SPDYA: variants seen among roughly 807,000 people sequenced by gnomAD.
SPDYA encodes the protein speedy protein A.
A neutral mutation model predicts 36.7 loss-of-function variants in SPDYA; 11 were observed. That is an observed-to-expected ratio of 0.30 (90% confidence interval 0.19 to 0.50). The LOEUF (loss-of-function observed/expected upper bound fraction) is 0.50. Ranked by LOEUF, SPDYA falls within the 20% of genes least tolerant of loss-of-function variation. SPDYA has a pLI of 0.98. For synonymous variants in SPDYA, 115 were observed against 118.7 expected, an observed-to-expected ratio of 0.97 and a Z score of 0.20; for missense variants, 287 against 370.9, an observed-to-expected ratio of 0.77 and a Z score of 1.86.
chr2:28,844,173 A>T (rs1668817024), intron 7 of SPDYA, among the ~76,000 whole-genome samples: 1 of 152,244 alleles, frequency 6.6e-6, no homozygotes, highest in Non-Finnish European at 1.5e-5. Flanking sequence ...TAGGGCATAT[A>T]AGTTAATAAT....
At chr2:28,819,164 A>G in intron 4 of SPDYA, 58 bp downstream of exon 4, 1 of 1,229,444 alleles carries the variant, frequency 8.1e-7, no homozygotes, top group Non-Finnish European at 1.2e-6. Flanking sequence ...GAACCATTAG[A>G]GCTTTAATGA....
chr2:28,819,836 AAAAAAAAAAAAAAATATATAT>A (rs1668090001), intron 4 of SPDYA, among the ~76,000 whole-genome samples: 1 of 52,168 alleles, frequency 1.9e-5, no homozygotes, highest in African/African-American at 8.2e-5. Flanking sequence ...AAAAAAAAAA[AAAAAAAAAAAAAAATATATAT>A]ATATATATAT....
intron 6 of SPDYA, among the ~76,000 whole-genome samples, chr2:28,838,979 G>A (rs1221458640): frequency 6.6e-6 from 1 of 152,166 alleles, no homozygotes; most frequent in Non-Finnish European, 1.5e-5. Flanking sequence ...TGTAACTAAA[G>A]ACTTTTGCTT....
At chr2:28,848,360 CATCT>C (rs990819193) in intron 7 of SPDYA, among the ~76,000 whole-genome samples, 2 of 152,210 alleles carry the variant, frequency 1.3e-5, no homozygotes, top group Non-Finnish European at 2.9e-5. Flanking sequence ...GCCTCATCCC[CATCT>C]ATCTATCCAG....
At chr2:28,832,543 G>A (rs1159086175) in intron 6 of SPDYA, among the ~76,000 whole-genome samples, 1 of 151,956 alleles carries the variant, frequency 6.6e-6, no homozygotes, top group Non-Finnish European at 1.5e-5. Context: ...GGTATTTTTT[G>A]TCTAATTGAT....
At position 28,816,110 on chromosome 2, in the gene SPDYA, T is replaced by C. The variant is rs764166112; in HGVS notation, c.96T>C (p.Ile32=). Reference sequence around the variant, plus strand: ...GATCACATCAGCCTAAAAAGCCCATTACTCTGAAGCGTCCTATTTGTAAAG... The same window carrying C: ...GATCACATCAGCCTAAAAAGCCCATCACTCTGAAGCGTCCTATTTGTAAAG... ...SNRSHQPKKP[I]TLKRPICKDN... is the part of the protein sequence containing the mutation. The change falls in exon 3 of 8, where the codon ATT becomes ATC. Residue 32 remains isoleucine, a synonymous_variant. Transcript: ENST00000334056. The C allele has an allele frequency of 1.9e-6, 3 of 1,613,952 alleles. No homozygotes were observed. In the Admixed American group the frequency reaches 5.0e-5, roughly 27 times the overall value.
At chr2:28,817,549 G>A (rs1668017109) in intron 3 of SPDYA, among the ~76,000 whole-genome samples, 1 of 147,554 alleles carries the variant, frequency 6.8e-6, no homozygotes, top group Non-Finnish European at 1.5e-5. Context: ...CAACAAGAGT[G>A]AAACTGTCTC....
Position 28,825,609 on chromosome 2 carries a change from A to G in SPDYA, c.380+3199A>G, listed in dbSNP as rs1668296520. ...TATAAGACTCTGAACTTCTATTATCATTCTTCCACATTACCTTTCACAATT... is the reference window on the plus strand; with the variant it reads ...TATAAGACTCTGAACTTCTATTATCGTTCTTCCACATTACCTTTCACAATT... On this transcript the variant is annotated intron_variant, in intron 5 of 7. Transcript: ENST00000334056. 2.6e-5 allele frequency among the ~76,000 whole-genome samples: 4 copies of G among 152,096 alleles called. No homozygotes were observed. The South Asian group carries it at 8.3e-4, about 31-fold the overall frequency.
chr2:28,840,397 T>C lies in SPDYA; in HGVS notation c.778T>C (p.Ser260Pro), dbSNP rs1284980389. Residue 260 changes from serine (S) to proline (P), a missense_variant, in exon 7 of 8, where the codon TCT (serine) becomes CCT (proline). Transcript: ENST00000334056. ...TACAGCAGGGGTGACAGAAAAACAT[T>C]CTCAGGACTCATACAACTCACTGTC... ...SHTAGVTEKH[S>P]QDSYNSLSMD... 1 of 1,613,606 alleles carries C rather than the reference T, an allele frequency of 6.2e-7. No individual in the cohort carries two copies. Among genetic ancestry groups the C allele is most frequent in the East Asian group, 2.2e-5 (1 of 44,876 alleles).
chr2:28,838,541 C>T (rs571366723), intron 6 of SPDYA, among the ~76,000 whole-genome samples: 7 of 152,146 alleles, frequency 4.6e-5, no homozygotes, highest in African/African-American at 1.7e-4. Flanking sequence ...ATTTTTAATT[C>T]ACTTATCACA....
At chr2:28,821,893 G>T (rs114631811) in intron 4 of SPDYA, among the ~76,000 whole-genome samples, 69 of 152,258 alleles carry the variant, frequency 4.5e-4, no homozygotes, top group African/African-American at 1.6e-3. Flanking sequence ...AAGTGAGTAT[G>T]GATGTCTGTA....
chr2:28,848,018 T>C (rs1447650351), intron 7 of SPDYA, among the ~76,000 whole-genome samples: 2 of 152,202 alleles, frequency 1.3e-5, no homozygotes, highest in African/African-American at 2.4e-5. Flanking sequence ...CCTAGGTTTG[T>C]GTAAGTACAC....
At chr2:28,816,354 G>T in intron 3 of SPDYA, 105 bp downstream of exon 3, 13 of 895,028 alleles carry the variant, frequency 1.5e-5, no homozygotes, top group East Asian at 9.6e-5. Flanking sequence ...CATTATTTTT[G>T]TATTAAATTT....
intron 7 of SPDYA, among the ~76,000 whole-genome samples, chr2:28,845,953 T>C (rs1668862996): frequency 6.6e-6 from 1 of 152,266 alleles, no homozygotes; most frequent in Non-Finnish European, 1.5e-5. Flanking sequence ...ACTAACAGAT[T>C]AACTTAAAAT....
rs960701236 is a variant in SPDYA, at chr2:28,822,362, C to T, written c.332C>T (p.Ala111Val). 1.9e-6 allele frequency: 3 copies of T among 1,569,672 alleles called. No individual in the cohort carries two copies. Among genetic ancestry groups the T allele is most frequent in the Non-Finnish European group, 1.7e-6 (2 of 1,157,594 alleles). ...LAMTFVYFKR[A>V]KFTISEHTRI... ...ATGACCTTTGTTTATTTCAAGAGGGCTAAATTTACTATAAGTGAGCATACC... is the reference window on the plus strand; with the variant it reads ...ATGACCTTTGTTTATTTCAAGAGGGTTAAATTTACTATAAGTGAGCATACC... The change falls in exon 5 of 8, where the codon GCT becomes GTT. Residue 111 changes from alanine (A) to valine (V), a missense_variant. By Grantham distance (64) the Ala-to-Val change is moderately conservative. Transcript: ENST00000334056.
chr2:28,813,591 G>C (rs1418802243), intron 1 of SPDYA, among the ~76,000 whole-genome samples: 1 of 145,262 alleles, frequency 6.9e-6, no homozygotes, highest in African/African-American at 2.6e-5. Context: ...TTGCTCTGTT[G>C]CCCAGGCTGG....
At chr2:28,813,969 G>C (rs1485055847) in intron 1 of SPDYA, among the ~76,000 whole-genome samples, 1 of 152,168 alleles carries the variant, frequency 6.6e-6, no homozygotes, top group Non-Finnish European at 1.5e-5. Context: ...AAGTCTCAAG[G>C]CTCAATTTAT....
At chr2:28,837,292 T>G (rs1330303300) in intron 6 of SPDYA, among the ~76,000 whole-genome samples, 1 of 152,126 alleles carries the variant, frequency 6.6e-6, no homozygotes, top group South Asian at 2.1e-4. Flanking sequence ...CAGTTGGATA[T>G]AGGGTACATG....
rs770714110 is a variant in SPDYA at position 28,849,949 on chromosome 2, C to G, written c.*8C>G. 1.9e-6 allele frequency: 3 copies of G among 1,556,010 alleles called. No individual in the cohort carries two copies. The Admixed American group carries it at 6.1e-5, about 32-fold the overall frequency. ...ACAGGAAGTGAAGAATGAGATGGCC[C>G]AACTAAACCAATTTGGAATCATTAA... On this transcript the variant is annotated 3_prime_UTR_variant, in exon 8 of 8. Coordinates refer to ENST00000334056, the MANE Select transcript of SPDYA (RefSeq NM_182756.4).
Sources: allele counts gnomAD v4.1 joint callset (sites outside exome capture counted in the v4.1 genomes callset), GRCh38; gene constraint gnomAD v4.1.1; transcripts MANE v1.5; gene names NCBI Gene and HGNC (gene_info 2026-07-23, HGNC 2026-07-21).